DLGAP1: variants seen among roughly 807,000 people sequenced by gnomAD.
DLGAP1 encodes disks large-associated protein 1.
A neutral mutation model predicts 90.8 loss-of-function variants in DLGAP1; 11 were observed. The observed-to-expected ratio is 0.12, with a 90% confidence interval of 0.08 to 0.20. The LOEUF is 0.20. Ranked by LOEUF, DLGAP1 falls within the 10% of genes least tolerant of loss-of-function variation. DLGAP1 has a pLI of 1.00. For synonymous variants in DLGAP1, 558 were observed against 540.7 expected (o/e 1.03, Z -0.44); for missense variants, 1,050 against 1,333.8 (o/e 0.79, Z 3.31).
chr18:3,701,046 A>C (rs975316253), intron 7 of DLGAP1, among the ~76,000 whole-genome samples: 6 of 152,126 alleles, frequency 3.9e-5, no homozygotes, highest in Non-Finnish European at 8.8e-5. Context: ...ATACCAGGCT[A>C]AGTTTTAAAT....
rs1223910452 is a variant in DLGAP1 at position 3,879,302 on chromosome 18, T to C, written c.767A>G (p.Asp256Gly). 4 of 1,596,160 alleles carry C rather than the reference T, an allele frequency of 2.5e-6. No homozygotes were observed. Among genetic ancestry groups the C allele is most frequent in the Non-Finnish European group, 3.4e-6 (4 of 1,170,844 alleles). ...QAVKASRSNN[D>G]VKCSTCANLP... ...GTTGGCGCAGGTGGAGCACTTGACG[T>C]CGTTGTTGCTCCGGGAGGCCTTCAC... The change falls in exon 4 of 13, where the codon GAC becomes GGC. Residue 256 changes from aspartate (D) to glycine (G), a missense_variant. This residue lies in a region of DLGAP1 where 485 missense variants were observed against 454.1 expected (regional missense o/e 1.07). Transcript: ENST00000315677. This position sits in a 1 kb window ranked among gnomAD's most constrained non-coding sequence, Gnocchi z 6.6.
intron 2 of DLGAP1, among the ~76,000 whole-genome samples, chr18:4,106,031 C>CAAAAAAA (rs60176243): frequency 5.7e-4 from 58 of 102,256 alleles, no homozygotes; most frequent in African/African-American, 1.5e-3. Context: ...GGGTCCGTCT[C>CAAAAAAA]AAAAAAAAAA....
At chr18:4,167,428 T>G (rs948129677) in intron 1 of DLGAP1, among the ~76,000 whole-genome samples, 1 of 152,172 alleles carries the variant, frequency 6.6e-6, no homozygotes, top group East Asian at 1.9e-4. Context: ...CATATCACAA[T>G]ATAGGATTAG....
intron 1 of DLGAP1, among the ~76,000 whole-genome samples, chr18:4,171,780 A>T (rs888946291): frequency 2.0e-5 from 3 of 152,188 alleles, no homozygotes; most frequent in African/African-American, 7.2e-5. Context: ...AAATAATTAC[A>T]AAATATGGTT....
intron 3 of DLGAP1, among the ~76,000 whole-genome samples, chr18:3,928,231 T>C (rs1340081554): frequency 3.9e-5 from 6 of 152,236 alleles, no homozygotes; most frequent in South Asian, 2.1e-4. Flanking sequence ...AACACACTTG[T>C]AGTTTTTCAT....
chr18:4,338,105 A>G (rs922270941), intron 1 of DLGAP1, among the ~76,000 whole-genome samples: 17 of 152,202 alleles, frequency 1.1e-4, no homozygotes, highest in Non-Finnish European at 4.4e-5. Flanking sequence ...AAAAATTCCA[A>G]TCAGTCTCAG....
In DLGAP1 at chr18:3,845,643, C is replaced by T. The variant is rs2068963981; in HGVS notation, c.958-31370G>A. 1.5e-5 allele frequency: 15 copies of T among 978,970 alleles called. No homozygotes were observed. In the South Asian group the frequency reaches 6.1e-4, roughly 40 times the overall value. The allele number at this position is 978,970 out of a possible 1,614,324, so 60.6% of individuals were successfully genotyped here. ...TCAGTAAATTCTGGGCTATTGATCA[C>T]TTTGCAGCCCATATAGGGGGTAACG... On this transcript the variant is annotated intron_variant, in intron 4 of 12. Coordinates refer to ENST00000315677, the MANE Select transcript of DLGAP1 (RefSeq NM_004746.4).
intron 1 of DLGAP1, among the ~76,000 whole-genome samples, chr18:4,273,862 A>G (rs2079342383): frequency 6.6e-6 from 1 of 151,794 alleles, no homozygotes; most frequent in Non-Finnish European, 1.5e-5. Context: ...TAACATTCCT[A>G]CTTTTACTTC....
intron 4 of DLGAP1, among the ~76,000 whole-genome samples, chr18:3,848,741 C>G (rs1444192459): frequency 6.6e-6 from 1 of 152,142 alleles, no homozygotes; most frequent in Admixed American, 6.5e-5. Context: ...CCGGAAACCA[C>G]CCACTTACCC....
At chr18:4,194,897 C>T (rs754101631) in intron 1 of DLGAP1, among the ~76,000 whole-genome samples, 16 of 152,238 alleles carry the variant, frequency 1.1e-4, no homozygotes, top group Non-Finnish European at 2.2e-4. Context: ...TTAACACAGA[C>T]CTCACCTCCC....
intron 3 of DLGAP1, among the ~76,000 whole-genome samples, chr18:3,900,563 T>C (rs1406764676): frequency 6.6e-6 from 1 of 152,182 alleles, no homozygotes; most frequent in Non-Finnish European, 1.5e-5. Flanking sequence ...AAACCCTGAA[T>C]GAATAAAACA....
At position 3,499,489 on chromosome 18, in the gene DLGAP1, T is replaced by C; in HGVS notation, c.2725-95A>G. ...TCAGTAGTTAGAACACACAGTTTTT[T>C]ACCTAGGGGTGGTTAGTTCTGATCT... On this transcript the variant is annotated intron_variant, in intron 12 of 12. Coordinates refer to ENST00000315677, the MANE Select transcript of DLGAP1 (RefSeq NM_004746.4). The surrounding 1 kb of genome is among the most constrained non-coding windows in gnomAD (Gnocchi z 6.4). The C allele has an allele frequency of 7.6e-7, 1 of 1,313,326 alleles. No individual in the cohort carries two copies. The highest frequency in any genetic ancestry group is 1.0e-6 in the Non-Finnish European group (1 of 953,388). The allele number at this position is 1,313,326 out of a possible 1,614,324, so 81.4% of individuals were successfully genotyped here. A position where few individuals can be genotyped will look rare whatever the true frequency, so the allele number is the denominator to read the frequency against.
intron 1 of DLGAP1, among the ~76,000 whole-genome samples, chr18:4,283,548 T>C (rs546204906): frequency 1.3e-5 from 2 of 152,348 alleles, no homozygotes; most frequent in Admixed American, 6.5e-5. Context: ...ATAATTTCTT[T>C]ACTTTTCACT....
intron 5 of DLGAP1, among the ~76,000 whole-genome samples, chr18:3,761,239 C>G (rs2063948837): frequency 2.0e-5 from 3 of 152,162 alleles, no homozygotes; most frequent in Non-Finnish European, 4.4e-5. Flanking sequence ...ACACGAACTC[C>G]CCGTTTCCCT....
intron 7 of DLGAP1, among the ~76,000 whole-genome samples, chr18:3,646,466 A>C (rs1404558334): frequency 6.6e-6 from 1 of 152,224 alleles, no homozygotes; most frequent in Non-Finnish European, 1.5e-5. Flanking sequence ...TCAGATAAAG[A>C]AAAGGAAACA....
intron 1 of DLGAP1, among the ~76,000 whole-genome samples, chr18:4,270,217 C>G (rs1037726896): frequency 3.3e-5 from 5 of 152,228 alleles, no homozygotes; most frequent in Non-Finnish European, 5.9e-5. Flanking sequence ...TGGCACCTCT[C>G]AGGTAGGTTG....
intron 1 of DLGAP1, among the ~76,000 whole-genome samples, chr18:4,300,827 C>A (rs1366303499): frequency 6.6e-6 from 1 of 152,128 alleles, no homozygotes; most frequent in Admixed American, 6.5e-5. Flanking sequence ...GGGCTTTCTG[C>A]CATTCTCTTT....
intron 4 of DLGAP1, among the ~76,000 whole-genome samples, chr18:3,869,113 G>C (rs2070581323): frequency 6.6e-6 from 1 of 151,292 alleles, no homozygotes; most frequent in African/African-American, 2.4e-5. Flanking sequence ...GCAGGAGCTT[G>C]ACAGACTTAA....
intron 10 of DLGAP1, among the ~76,000 whole-genome samples, chr18:3,508,987 T>TC (rs2050387229): frequency 6.6e-6 from 1 of 151,980 alleles, no homozygotes; most frequent in Non-Finnish European, 1.5e-5. Context: ...TGTTGCTTTT[T>TC]TTTTTTTTTA....
Sources: gnomAD v4.1 joint callset for allele counts (sites outside exome capture counted in the v4.1 genomes callset) on GRCh38, gnomAD v4.1.1 for gene constraint, gnomAD v4.1.1 regional missense constraint, Gnocchi (gnomAD v3.1) non-coding constraint, MANE v1.5 for transcripts, NCBI Gene and HGNC (gene_info 2026-07-23, HGNC 2026-07-21) for gene names.